Variants in ADCY8 observed in about 807,000 individuals in gnomAD.
ADCY8 encodes the protein adenylate cyclase type 8.
A neutral mutation model predicts 119.7 loss-of-function variants in ADCY8; 51 were observed. That is an observed-to-expected ratio of 0.43 (90% confidence interval 0.34 to 0.54). The LOEUF is 0.54. ADCY8 is among the 20% of genes least tolerant of loss of function. The probability of loss-of-function intolerance (pLI) is 0.03; values close to 1 mark genes in which losing one functional copy is unlikely to be tolerated. For missense variants in ADCY8, 1,383 were observed against 1,598.8 expected (o/e 0.87, Z 2.30); for synonymous variants, 665 against 651.0 (o/e 1.02, Z -0.33).
chr8:130,952,890 C>A (rs1821316668), intron 2 of ADCY8, among the ~76,000 whole-genome samples: 1 of 152,052 alleles, frequency 6.6e-6, no homozygotes. Context: ...AGCGAACATA[C>A]AAAAGAAACC....
chr8:130,825,646 C>G (rs1379716339), intron 12 of ADCY8, among the ~76,000 whole-genome samples: 2 of 152,220 alleles, frequency 1.3e-5, no homozygotes, highest in Non-Finnish European at 2.9e-5. Context: ...TCTAAAAAGT[C>G]TGATGTGTCT....
At chr8:130,829,081 G>A (rs1250785447) in intron 12 of ADCY8, among the ~76,000 whole-genome samples, 1 of 152,180 alleles carries the variant, frequency 6.6e-6, no homozygotes, top group Non-Finnish European at 1.5e-5. Flanking sequence ...GGGTGAGCGT[G>A]ACAAATCCCA....
chr8:130,968,520 G>T (rs1382320035), intron 2 of ADCY8, among the ~76,000 whole-genome samples: 1 of 152,056 alleles, frequency 6.6e-6, no homozygotes, highest in Non-Finnish European at 1.5e-5. Flanking sequence ...TTAAACAATG[G>T]CAGTGAAAAA....
chr8:130,849,919 G>T, intron 9 of ADCY8, 116 bp from the exon 10 acceptor site: 1 of 1,035,610 alleles, frequency 9.7e-7, no homozygotes, highest in Non-Finnish European at 1.4e-6. Context: ...TGAAAGTTCT[G>T]TTTGTCCAAG....
intron 15 of ADCY8, among the ~76,000 whole-genome samples, chr8:130,789,581 T>C (rs779813498): frequency 1.6e-4 from 24 of 152,104 alleles, no homozygotes; most frequent in Non-Finnish European, 2.6e-4. Context: ...TTAAGAAAAC[T>C]TCACCCGATA....
Position 130,937,227 on chromosome 8 carries a change from G to C in ADCY8, c.1354-27C>G, listed in dbSNP as rs570086671. The C allele has an allele frequency of 1.4e-4, 227 of 1,606,132 alleles. 3 individuals are homozygous for C. The South Asian group carries it at 2.4e-3, about 17-fold the overall frequency. On this transcript the variant is annotated intron_variant, in intron 4 of 17. Coordinates refer to ENST00000286355, the MANE Select transcript of ADCY8 (RefSeq NM_001115.3). ...TGGAAGGAACAGGATAAGAGGGAAA[G>C]GTCTATGTCAGCAGAAGGATCAGTT... is the stretch of plus-strand genomic sequence containing the variant.
chr8:130,961,127 T>G (rs1339354256), intron 2 of ADCY8, among the ~76,000 whole-genome samples: 2 of 152,134 alleles, frequency 1.3e-5, no homozygotes. Flanking sequence ...TTTATTTTTT[T>G]GAGACGGAGT....
intron 9 of ADCY8, among the ~76,000 whole-genome samples, chr8:130,852,191 G>C (rs982304819): frequency 4.6e-5 from 7 of 152,198 alleles, no homozygotes; most frequent in Non-Finnish European, 8.8e-5. Context: ...TCCTCTGCAT[G>C]ATGAGGCTAC....
chr8:130,832,099 G>C (rs1816851659), intron 12 of ADCY8, among the ~76,000 whole-genome samples: 1 of 152,162 alleles, frequency 6.6e-6, no homozygotes, highest in African/African-American at 2.4e-5. Flanking sequence ...TTTCAATTCA[G>C]TTGGTTTAAG....
At chr8:130,855,274 A>G (rs1324109154) in intron 9 of ADCY8, among the ~76,000 whole-genome samples, 1 of 152,102 alleles carries the variant, frequency 6.6e-6, no homozygotes, top group Non-Finnish European at 1.5e-5. Context: ...CAAAGCATCA[A>G]ACAGAAACAA....
chr8:130,991,330 A>T (rs1586636260), intron 1 of ADCY8, among the ~76,000 whole-genome samples: 1 of 152,238 alleles, frequency 6.6e-6, no homozygotes, highest in East Asian at 1.9e-4. Flanking sequence ...TAGAAAATGC[A>T]GGTGGCTTAA....
intron 13 of ADCY8, among the ~76,000 whole-genome samples, chr8:130,818,449 C>T (rs1048934277): frequency 6.6e-6 from 1 of 152,198 alleles, no homozygotes; most frequent in Non-Finnish European, 1.5e-5. Context: ...TGTCTCTGTT[C>T]AATGTTGAGA....
intron 17 of ADCY8, among the ~76,000 whole-genome samples, chr8:130,781,457 T>C (rs1428588770): frequency 6.6e-6 from 1 of 152,198 alleles, no homozygotes; most frequent in Admixed American, 6.5e-5. Context: ...AAGTTGCATA[T>C]CTGATCAAGT....
In ADCY8 at chr8:130,936,947, T is replaced by G. The variant is rs115928873; in HGVS notation, c.1481+126A>C. 203 of 1,226,624 alleles carry G rather than the reference T, an allele frequency of 1.7e-4. No individual in the cohort carries two copies. The African/African-American group carries it at 2.7e-3, about 16-fold the overall frequency. 76.0% of individuals were successfully genotyped at this position (1,226,624 alleles called of 1,614,324 possible). A position where few individuals can be genotyped will look rare whatever the true frequency, so the allele number is the denominator to read the frequency against. ...ATGGGAGAACTAAGGGGCACACAGT[T>G]TTTGTGAAATAAGTCAAAAGGTTCT... On this transcript the variant is annotated intron_variant, in intron 5 of 17. Coordinates refer to ENST00000286355, the MANE Select transcript of ADCY8 (RefSeq NM_001115.3).
chr8:130,833,494 T>C (rs1816899476), intron 12 of ADCY8, among the ~76,000 whole-genome samples: 1 of 152,056 alleles, frequency 6.6e-6, no homozygotes, highest in Non-Finnish European at 1.5e-5. Flanking sequence ...AAAAAGAAAA[T>C]GTGGTATACG....
At chr8:130,830,277 C>T (rs62518060) in intron 12 of ADCY8, among the ~76,000 whole-genome samples, 20,876 of 152,110 alleles carry the variant, frequency 0.14, 1,740 homozygotes, top group Non-Finnish European at 0.18. Context: ...GTGGCTCCAT[C>T]TTCCCTTCTC....
intron 5 of ADCY8, among the ~76,000 whole-genome samples, chr8:130,915,027 G>T (rs2130564889): frequency 6.6e-6 from 1 of 152,258 alleles, no homozygotes; most frequent in African/African-American, 2.4e-5. Flanking sequence ...TCCTAGTTGG[G>T]GAGGGGATAA....
rs546386034 is a variant in ADCY8, at chr8:130,834,918, A to G, written c.2675+1359T>C. ...AGTACATTAGAAGTTGGATTTGAGG[A>G]GACAGAGAGGAGAATAATACTAGAG... On this transcript the variant is annotated intron_variant, in intron 12 of 17. Transcript: ENST00000286355. 2.2e-4 allele frequency among the ~76,000 whole-genome samples: 32 copies of G among 147,926 alleles called. No individual in the cohort carries two copies. The South Asian group carries it at 6.8e-3, about 32-fold the overall frequency.
chr8:130,814,406 G>A (rs1402174621), intron 13 of ADCY8, among the ~76,000 whole-genome samples, 179 bp from the exon 14 acceptor site: 2 of 152,160 alleles, frequency 1.3e-5, no homozygotes, highest in Admixed American at 6.6e-5. Context: ...GAATGATTAG[G>A]TTTCACAGGG....
Sources: allele counts gnomAD v4.1 joint callset (sites outside exome capture counted in the v4.1 genomes callset), GRCh38; gene constraint gnomAD v4.1.1; transcripts MANE v1.5; gene names NCBI Gene and HGNC (gene_info 2026-07-23, HGNC 2026-07-21).